Variants in STYXL1 observed in about 807,000 individuals in gnomAD.
STYXL1 encodes serine/threonine/tyrosine-interacting-like protein 1.
A neutral mutation model predicts 36.4 loss-of-function variants in STYXL1; 32 were observed. The observed-to-expected ratio is 0.88, with a 90% CI of 0.66 to 1.18. The LOEUF is 1.18. Among genes scored for constraint, STYXL1 ranks in the 50% most tolerant of loss-of-function variants. The probability of loss-of-function intolerance (pLI) is 0.00; values close to 1 mark genes in which losing one functional copy is unlikely to be tolerated. For missense variants in STYXL1, 354 were observed against 394.1 expected, an observed-to-expected ratio of 0.90 and a Z score of 0.86; for synonymous variants, 133 against 144.1, an observed-to-expected ratio of 0.92 and a Z score of 0.55.
In STYXL1 at chr7:76,013,755, A is replaced by G. The variant is rs1554572954; in HGVS notation, c.440T>C (p.Ile147Thr). 5 of 1,613,834 alleles carry G rather than the reference A, an allele frequency of 3.1e-6. No homozygotes were observed. Among genetic ancestry groups the G allele is most frequent in the East Asian group, 2.2e-5 (1 of 44,844 alleles). The change falls in exon 5 of 9, where the codon ATC becomes ACC. Residue 147 changes from isoleucine (I) to threonine (T), a missense_variant. Coordinates refer to ENST00000359697, the MANE Select transcript of STYXL1 (RefSeq NM_001317785.2). ...ATTTGGCCCTACCTGAGGCATCCAG[A>G]TGATCTTCTGGGTCCGGAGAAAGTG... ...TYHFLRTQKI[I>T]WMPQELDAFQ...
chr7:76,025,214 G>A (rs1403123753), intron 3 of STYXL1, among the ~76,000 whole-genome samples: 2 of 148,918 alleles, frequency 1.3e-5, no homozygotes, highest in Non-Finnish European at 3.0e-5. Context: ...GCCTCAATCT[G>A]CTAACTGGGA....
chr7:76,001,277 A>T (rs1790885448), intron 7 of STYXL1, among the ~76,000 whole-genome samples: 1 of 152,234 alleles, frequency 6.6e-6, no homozygotes, highest in Non-Finnish European at 1.5e-5. Flanking sequence ...TTTCTAGCCC[A>T]GGAAGCTCTG....
chr7:76,000,803 G>A, intron 8 of STYXL1, 87 bp downstream of exon 8: 1 of 1,108,512 alleles, frequency 9.0e-7, no homozygotes, highest in Non-Finnish European at 1.4e-6. Context: ...CCAAAGCAGT[G>A]CTGGGGCCCC....
intron 5 of STYXL1, among the ~76,000 whole-genome samples, chr7:76,006,277 T>G (rs1463972727): frequency 6.6e-6 from 1 of 151,928 alleles, no homozygotes; most frequent in Non-Finnish European, 1.5e-5. Flanking sequence ...GGGGTCTCAC[T>G]ATGTTGCCCA....
chr7:76,010,290 T>C (rs915577664), intron 5 of STYXL1, among the ~76,000 whole-genome samples: 3 of 152,088 alleles, frequency 2.0e-5, no homozygotes, highest in African/African-American at 7.2e-5. Context: ...GTACACCTGT[T>C]GAGCTGAAAT....
chr7:76,042,056 C>A (rs1328288119), intron 1 of STYXL1, among the ~76,000 whole-genome samples: 2 of 152,162 alleles, frequency 1.3e-5, no homozygotes, highest in Non-Finnish European at 2.9e-5. Context: ...GGATGTGAAT[C>A]TGCAGGTGCA....
At chr7:76,025,045 G>A (rs1340885446) in intron 3 of STYXL1, among the ~76,000 whole-genome samples, 9 of 151,144 alleles carry the variant, frequency 6.0e-5, no homozygotes, top group African/African-American at 2.0e-4. Flanking sequence ...AAGGAAACAT[G>A]GCAGCACAGT....
chr7:76,017,711 C>T (rs1554574449), intron 4 of STYXL1, among the ~76,000 whole-genome samples: 1 of 146,058 alleles, frequency 6.8e-6, no homozygotes, highest in African/African-American at 2.4e-5. Flanking sequence ...GATGGCGAAA[C>T]CCTGTCTGTA....
At chr7:75,999,485 T>C (rs1017124120) in intron 8 of STYXL1, among the ~76,000 whole-genome samples, 1 of 109,670 alleles carries the variant, frequency 9.1e-6, no homozygotes, top group Non-Finnish European at 2.0e-5. Flanking sequence ...GATGGTAATT[T>C]TTTTGTTGTG....
intron 1 of STYXL1, among the ~76,000 whole-genome samples, chr7:76,032,111 G>A (rs1404847296): frequency 6.6e-6 from 1 of 152,002 alleles, no homozygotes; most frequent in African/African-American, 2.4e-5. Context: ...ATACAAATTA[G>A]CTGGGCATGG....
At chr7:75,997,269 T>TAA (rs34220250) in intron 8 of STYXL1, among the ~76,000 whole-genome samples, 3 of 152,004 alleles carry the variant, frequency 2.0e-5, no homozygotes, top group African/African-American at 7.2e-5. Context: ...CTGTCTCTAC[T>TAA]AAAAAAATGC....
intron 3 of STYXL1, 38 bp downstream of exon 3, chr7:76,028,604 T>C (rs1794988607): frequency 6.2e-7 from 1 of 1,604,944 alleles, no homozygotes; most frequent in South Asian, 1.1e-5. Flanking sequence ...CACTGCAAGG[T>C]AGCCAGCCTG....
At chr7:76,012,611 G>T (rs1792691184) in intron 5 of STYXL1, among the ~76,000 whole-genome samples, 1 of 152,104 alleles carries the variant, frequency 6.6e-6, no homozygotes, top group Non-Finnish European at 1.5e-5. Context: ...CTTAGGCTGG[G>T]CTCAAACTCC....
At position 75,999,533 on chromosome 7, in the gene STYXL1, G is replaced by A. The variant is rs1554565658; in HGVS notation, c.810+1357C>T. Among the ~76,000 whole-genome samples, 6 of 133,956 alleles carry A rather than the reference G, an allele frequency of 4.5e-5. 1 individual carries two copies. Among genetic ancestry groups the A allele is most frequent in the South Asian group, 5.0e-4 (2 of 4,018 alleles). 87.9% of individuals were successfully genotyped at this position (133,956 alleles called of 152,430 possible). On this transcript the variant is annotated intron_variant, in intron 8 of 8. Transcript: ENST00000359697. The stretch of plus-strand genomic sequence containing the variant: ...TGTATGTGTGTGTGTGTGTGTGTGT[G>A]TGTGTGTGTGTGTGTGTGTATATTT...
chr7:76,006,590 C>T (rs1791796639), intron 5 of STYXL1, among the ~76,000 whole-genome samples: 3 of 151,872 alleles, frequency 2.0e-5, no homozygotes, highest in South Asian at 4.2e-4. Flanking sequence ...GGTGAAACCT[C>T]GTCTCTTCTA....
At chr7:76,003,634 T>A (rs1791265119) in intron 7 of STYXL1, 124 bp downstream of exon 7, 1 of 837,972 alleles carries the variant, frequency 1.2e-6, no homozygotes, top group East Asian at 2.7e-5. Context: ...TATGCCGAGC[T>A]GGGCCCTTTC....
intron 1 of STYXL1, among the ~76,000 whole-genome samples, chr7:76,039,838 G>C (rs1314567671): frequency 6.6e-6 from 1 of 151,972 alleles, no homozygotes; most frequent in Non-Finnish European, 1.5e-5. Context: ...ATAGAGACGG[G>C]GTTTCACCAC....
intron 5 of STYXL1, among the ~76,000 whole-genome samples, chr7:76,013,325 C>CAAAA (rs782742797): frequency 1.2e-5 from 1 of 80,708 alleles, no homozygotes; most frequent in African/African-American, 4.9e-5. Flanking sequence ...GACTCCGTCT[C>CAAAA]AAAAAAAAAA....
intron 2 of STYXL1, among the ~76,000 whole-genome samples, chr7:76,028,998 C>T (rs994641403): frequency 1.6e-4 from 25 of 151,788 alleles, no homozygotes; most frequent in African/African-American, 5.8e-4. Context: ...GTGGCAGCGC[C>T]TGTAGTCCCA....
Sources: gnomAD v4.1 joint callset for allele counts (sites outside exome capture counted in the v4.1 genomes callset) on GRCh38, gnomAD v4.1.1 for gene constraint, MANE v1.5 for transcripts, NCBI Gene and HGNC (gene_info 2026-07-23, HGNC 2026-07-21) for gene names.